The following SEPTIN6 variants were observed in gnomAD, a reference collection of about 807,000 sequenced individuals.
SEPTIN6 encodes the protein septin-6.
A neutral mutation model predicts 33.6 loss-of-function variants in SEPTIN6; 8 were observed. The observed-to-expected ratio is 0.24, with a 90% CI of 0.14 to 0.43. SEPTIN6 has a LOEUF of 0.43. Ranked by LOEUF, SEPTIN6 falls within the 20% of genes least tolerant of loss-of-function variation. The pLI is 1.00. For synonymous variants in SEPTIN6, 131 were observed against 140.0 expected (o/e 0.94, Z 0.45); for missense variants, 250 against 340.8 (o/e 0.73, Z 2.10).
At chrX:119,659,148 T>A (rs1317054757) in intron 3 of SEPTIN6, among the ~76,000 whole-genome samples, 1 of 111,810 alleles carries the variant, frequency 8.9e-6, no homozygotes. Context: ...TTGTGAATGG[T>A]GTTTGTGTGA....
At chrX:119,616,218 G>A, downstream of SEPTIN6, 1 of 279,764 alleles carries the variant, frequency 3.6e-6, no homozygotes, top group South Asian at 5.6e-5. Context: ...ATCTATAGAA[G>A]GTCTGCGAAT....
Position 119,619,488 on chromosome X carries a change from A to C in SEPTIN6, c.*605T>G. The stretch of plus-strand genomic sequence containing the variant: ...GCACAGCTTGAGTGCAGTTACTTCG[A>C]GTGAATGAAAACTGGAAAGGGCTGG... On this transcript the variant is annotated 3_prime_UTR_variant, in exon 11 of 11. Coordinates refer to ENST00000394610, the MANE Select transcript of SEPTIN6 (RefSeq NM_145799.4). 1 of 814,888 alleles carries C rather than the reference A, an allele frequency of 1.2e-6. No individual in the cohort carries two copies. Among genetic ancestry groups the C allele is most frequent in the East Asian group, 6.6e-5 (1 of 15,191 alleles). 67.2% of individuals were successfully genotyped at this position (814,888 alleles called of 1,213,427 possible).
Position 119,618,297 on chromosome X carries a change from T to C in SEPTIN6, c.*1796A>G. The C allele has an allele frequency of 6.2e-6, 5 of 811,427 alleles. No homozygotes were observed. The highest frequency in any genetic ancestry group is 7.4e-6 in the Non-Finnish European group (5 of 674,896). The allele number at this position is 811,427 out of a possible 1,213,427, so 66.9% of individuals were successfully genotyped here. A position where few individuals can be genotyped will look rare whatever the true frequency, so the allele number is the denominator to read the frequency against. ...GCTTTGGCAGCATCACCTTCATACTTGCTCTGGTCACTCACCAATCAATAG... is the reference window on the plus strand; with the variant it reads ...GCTTTGGCAGCATCACCTTCATACTCGCTCTGGTCACTCACCAATCAATAG... On this transcript the variant is annotated 3_prime_UTR_variant, in exon 11 of 11. Transcript: ENST00000394610.
intron 9 of SEPTIN6, among the ~76,000 whole-genome samples, chrX:119,626,977 G>A (rs1454399716): frequency 3.6e-5 from 4 of 111,976 alleles, no homozygotes; most frequent in Non-Finnish European, 7.5e-5. Context: ...GTGAGCCACC[G>A]TACCCGGCCA....
At chrX:119,673,841 C>CAAAAAAAAA (rs774954935) in intron 2 of SEPTIN6, among the ~76,000 whole-genome samples, 4 of 38,121 alleles carry the variant, frequency 1.0e-4, no homozygotes, top group African/African-American at 2.3e-4. Context: ...GACTCTGTCT[C>CAAAAAAAAA]AAAAAAAAAA....
At chrX:119,676,270 C>G (rs56275576) in intron 1 of SEPTIN6, among the ~76,000 whole-genome samples, 14,593 of 108,977 alleles carry the variant, frequency 0.13, 869 homozygotes, top group South Asian at 0.26. Context: ...CAACACCAGC[C>G]TGGCCAACGT....
chrX:119,661,205 T>C (rs776230607), intron 3 of SEPTIN6, among the ~76,000 whole-genome samples: 1 of 106,969 alleles, frequency 9.3e-6, no homozygotes, highest in Non-Finnish European at 1.9e-5. Context: ...GAGGGTGGAT[T>C]ATGAGGTCAG....
chrX:119,645,243 T>TC (rs1324088713), intron 5 of SEPTIN6, among the ~76,000 whole-genome samples: 1 of 95,627 alleles, frequency 1.0e-5, no homozygotes, highest in Non-Finnish European at 2.1e-5. Flanking sequence ...TACCTTTTTT[T>TC]TTTTTTTTTT....
At chrX:119,626,249 G>A (rs934898920) in intron 9 of SEPTIN6, among the ~76,000 whole-genome samples, 5 of 111,985 alleles carry the variant, frequency 4.5e-5, no homozygotes, top group African/African-American at 1.6e-4. Flanking sequence ...GGGGTCTCCT[G>A]CCTGGGGTGG....
intron 1 of SEPTIN6, among the ~76,000 whole-genome samples, chrX:119,677,024 A>G (rs776531324): frequency 8.9e-6 from 1 of 112,333 alleles, no homozygotes; most frequent in Admixed American, 9.5e-5. Context: ...CCCTTAGCGT[A>G]GTGCCTAGCA....
intron 1 of SEPTIN6, among the ~76,000 whole-genome samples, chrX:119,683,774 A>G (rs2055004103): frequency 9.0e-6 from 1 of 111,350 alleles, no homozygotes; most frequent in Non-Finnish European, 1.9e-5. Context: ...TTTCCTGGGT[A>G]GGAAAGTGGC....
intron 1 of SEPTIN6, among the ~76,000 whole-genome samples, chrX:119,684,362 G>A (rs765388571): frequency 9.0e-6 from 1 of 110,975 alleles, no homozygotes; most frequent in South Asian, 3.7e-4. Flanking sequence ...GAAACATGTA[G>A]CAAAAAGTCT....
chrX:119,649,484 TC>T (rs2054317896), intron 5 of SEPTIN6, among the ~76,000 whole-genome samples: 1 of 68,472 alleles, frequency 1.5e-5, no homozygotes, highest in Non-Finnish European at 2.5e-5. Context: ...TGAGATCCTG[TC>T]TTAAAAAAAA....
intron 1 of SEPTIN6, among the ~76,000 whole-genome samples, chrX:119,679,059 T>C (rs1287784535): frequency 9.0e-6 from 1 of 110,698 alleles, no homozygotes; most frequent in Admixed American, 9.6e-5. Context: ...GCGATTCTCC[T>C]GCCTCAGCCT....
intron 1 of SEPTIN6, chrX:119,686,615 T>G: frequency 1.0e-6 from 1 of 970,045 alleles, no homozygotes; most frequent in Non-Finnish European, 1.3e-6. Context: ...ACCCACGGTT[T>G]CAAATCCCAG....
chrX:119,637,437 A>C (rs1303851894), intron 6 of SEPTIN6, among the ~76,000 whole-genome samples: 1 of 112,321 alleles, frequency 8.9e-6, no homozygotes, highest in African/African-American at 3.2e-5. Flanking sequence ...GTAGCACCAC[A>C]ATCTAAATTC....
chrX:119,623,650 C>T (rs2053805150), intron 10 of SEPTIN6, among the ~76,000 whole-genome samples: 1 of 112,008 alleles, frequency 8.9e-6, no homozygotes, highest in Non-Finnish European at 1.9e-5. Flanking sequence ...CCAGCCTGGG[C>T]CAACGTGGTG....
rs200875566 is a variant in SEPTIN6 at position 119,660,807 on chromosome X, A to AGG, written c.341+2674_341+2675insCC. 9.8e-4 allele frequency among the ~76,000 whole-genome samples: 85 copies of AGG among 86,955 alleles called. 1 individual carries two copies. Among genetic ancestry groups the AGG allele is most frequent in the African/African-American group, 3.2e-3 (70 of 22,174 alleles). The allele number at this position is 86,955 out of a possible 115,157, so 75.5% of individuals were successfully genotyped here. A position where few individuals can be genotyped will look rare whatever the true frequency, so the allele number is the denominator to read the frequency against. On this transcript the variant is annotated intron_variant, in intron 3 of 10. Coordinates refer to ENST00000394610, the MANE Select transcript of SEPTIN6 (RefSeq NM_145799.4). ...AATTTAGGAAGCCAAGGCGGGGGTG[A>AGG]GCGGGGGGGATCACTTGAGGTCAGG...
intron 5 of SEPTIN6, among the ~76,000 whole-genome samples, chrX:119,644,783 T>C (rs1185770650): frequency 9.4e-6 from 1 of 106,902 alleles, no homozygotes; most frequent in Admixed American, 1.0e-4. Flanking sequence ...GAGGCGGAGG[T>C]TGTGGTTAGC....
Sources: allele counts gnomAD v4.1 joint callset (sites outside exome capture counted in the v4.1 genomes callset), GRCh38; gene constraint gnomAD v4.1.1; transcripts MANE v1.5; gene names NCBI Gene and HGNC (gene_info 2026-07-23, HGNC 2026-07-21).